GRID2: variants seen among roughly 807,000 people sequenced by gnomAD.
GRID2 encodes glutamate ionotropic receptor delta type subunit 2.
In GRID2, 33 loss-of-function variants were observed where a neutral mutation model predicts 114.8. The observed-to-expected ratio is 0.29, with a 90% CI of 0.22 to 0.38. The LOEUF (loss-of-function observed/expected upper bound fraction) is 0.38. Among genes scored for constraint, GRID2 ranks in the 10% least tolerant of loss-of-function variants. The pLI, the probability that GRID2 is intolerant of heterozygous loss-of-function variation, is 1.00. For synonymous variants in GRID2, 505 were observed against 449.9 expected, an observed-to-expected ratio of 1.12 and a Z score of -1.55; for missense variants, 1,184 against 1,257.7, an observed-to-expected ratio of 0.94 and a Z score of 0.89.
intron 2 of GRID2, among the ~76,000 whole-genome samples, chr4:93,064,433 G>A (rs181300123): frequency 3.2e-4 from 49 of 151,860 alleles, no homozygotes; most frequent in African/African-American, 1.1e-3. Flanking sequence ...ATTTATAACA[G>A]CATTTACTAG....
intron 2 of GRID2, among the ~76,000 whole-genome samples, chr4:92,694,647 C>T (rs1255008031): frequency 1.3e-5 from 2 of 152,152 alleles, no homozygotes; most frequent in Non-Finnish European, 2.9e-5. Flanking sequence ...ATTAATCTGA[C>T]TTTTTCTCAT....
chr4:93,513,564 G>A (rs1729402576), intron 12 of GRID2, among the ~76,000 whole-genome samples: 1 of 152,048 alleles, frequency 6.6e-6, no homozygotes, highest in Non-Finnish European at 1.5e-5. Flanking sequence ...TTTTACAAAT[G>A]GTAGAATCCG....
intron 2 of GRID2, among the ~76,000 whole-genome samples, chr4:93,057,113 C>A (rs1227785291): frequency 1.3e-5 from 2 of 150,894 alleles, no homozygotes; most frequent in Non-Finnish European, 3.0e-5. Flanking sequence ...TGCGAAGAGA[C>A]CAAAAGAAAC....
intron 13 of GRID2, among the ~76,000 whole-genome samples, chr4:93,564,014 C>T: frequency 6.6e-6 from 1 of 151,694 alleles, no homozygotes; most frequent in Non-Finnish European, 1.5e-5. Context: ...CTGAGGTCTG[C>T]TATTGACCAA....
At chr4:92,613,996 T>A (rs1729880738) in intron 2 of GRID2, among the ~76,000 whole-genome samples, 1 of 151,508 alleles carries the variant, frequency 6.6e-6, no homozygotes, top group African/African-American at 2.4e-5. Flanking sequence ...TCAGGGTTAT[T>A]ATCATATCCA....
Position 92,578,107 on chromosome 4 carries a change from CTTCTTCTTTTTCTTATTATTA to C in GRID2, c.89-12021_89-12001del, listed in dbSNP as rs1258499967. Among the ~76,000 whole-genome samples the C allele has an allele frequency of 5.1e-4, 56 of 109,214 alleles. 1 individual carries two copies. The highest frequency in any genetic ancestry group is 4.3e-4 in the Non-Finnish European group (24 of 55,294). The allele number at this position is 109,214 out of a possible 152,430, so 71.6% of individuals were successfully genotyped here. ...TCTTCTTCTTCTTCTTCTTCTTCTT[CTTCTTCTTTTTCTTATTATTA>C]TTATTACACTTTAAGTTTTAGGGTA... On this transcript the variant is annotated intron_variant, in intron 1 of 15. Transcript: ENST00000282020.
intron 1 of GRID2, among the ~76,000 whole-genome samples, chr4:92,551,253 C>CGT (rs1726569267): frequency 8.4e-6 from 1 of 119,318 alleles, no homozygotes; most frequent in Non-Finnish European, 1.8e-5. Context: ...TACATCTACA[C>CGT]CTGTGTGTGT....
chr4:93,005,301 T>C (rs1721394660), intron 2 of GRID2, among the ~76,000 whole-genome samples: 1 of 152,086 alleles, frequency 6.6e-6, no homozygotes, highest in South Asian at 2.1e-4. Flanking sequence ...TATCATATAT[T>C]CTCACTAACT....
chr4:93,332,297 T>TGAGAGAGAGA (rs1255976950), intron 8 of GRID2, among the ~76,000 whole-genome samples: 353 of 133,020 alleles, frequency 2.7e-3, no homozygotes, highest in African/African-American at 9.6e-3. Context: ...TGTGTGTGTG[T>TGAGAGAGAGA]GTGAGAGAGA....
intron 2 of GRID2, among the ~76,000 whole-genome samples, chr4:93,005,279 T>C (rs1476772649): frequency 6.6e-6 from 1 of 152,098 alleles, no homozygotes; most frequent in Admixed American, 6.6e-5. Context: ...GAGTTATTCT[T>C]GAATGATAAT....
At chr4:93,418,001 A>G (rs552016863) in intron 9 of GRID2, among the ~76,000 whole-genome samples, 31 of 150,092 alleles carry the variant, frequency 2.1e-4, no homozygotes, top group South Asian at 1.1e-3. Flanking sequence ...TTAGCCATGC[A>G]TATTCATACT....
At chr4:92,800,538 C>T (rs1347720261) in intron 2 of GRID2, among the ~76,000 whole-genome samples, 1 of 151,942 alleles carries the variant, frequency 6.6e-6, no homozygotes, top group African/African-American at 2.4e-5. Flanking sequence ...TAACCACAGT[C>T]ACATATACAT....
chr4:92,832,582 C>T (rs1195085787), intron 2 of GRID2, among the ~76,000 whole-genome samples: 3 of 151,932 alleles, frequency 2.0e-5, no homozygotes, highest in East Asian at 2.0e-4. Context: ...TTAGTAGAGA[C>T]GGGGTTTCAC....
intron 1 of GRID2, among the ~76,000 whole-genome samples, chr4:93,786,064 G>C (rs923030547): frequency 6.6e-6 from 1 of 152,160 alleles, no homozygotes; most frequent in Non-Finnish European, 1.5e-5. Context: ...AAAGAAATCT[G>C]GAAAGAAAAC....
intron 9 of GRID2, among the ~76,000 whole-genome samples, chr4:93,404,410 TA>T (rs1766208647): frequency 1.3e-5 from 2 of 152,114 alleles, no homozygotes; most frequent in Non-Finnish European, 2.9e-5. Flanking sequence ...TGAATAAAGC[TA>T]CTTTTTAAAA....
chr4:92,632,553 C>A (rs960329476), intron 2 of GRID2, among the ~76,000 whole-genome samples: 1 of 151,998 alleles, frequency 6.6e-6, no homozygotes, highest in African/African-American at 2.4e-5. Flanking sequence ...GAATTACTTG[C>A]ACCTGCAGAC....
intron 10 of GRID2, among the ~76,000 whole-genome samples, chr4:93,448,126 A>C (rs1722264402): frequency 6.6e-6 from 1 of 151,970 alleles, no homozygotes; most frequent in Non-Finnish European, 1.5e-5. Context: ...TAAAAATGAA[A>C]GAATGGTATT....
chr4:93,191,065 A>G (rs1579243062), intron 4 of GRID2, among the ~76,000 whole-genome samples: 1 of 152,246 alleles, frequency 6.6e-6, no homozygotes, highest in East Asian at 1.9e-4. Context: ...TAAAAATTTC[A>G]GATAAAGTTG....
chr4:93,701,100 C>T (rs1311554100), intron 14 of GRID2, among the ~76,000 whole-genome samples: 4 of 151,884 alleles, frequency 2.6e-5, no homozygotes, highest in African/African-American at 7.3e-5. Context: ...TTTGTTCAGC[C>T]CATGCATGCT....
Sources: gnomAD v4.1 joint callset for allele counts (sites outside exome capture counted in the v4.1 genomes callset) on GRCh38, gnomAD v4.1.1 for gene constraint, MANE v1.5 for transcripts, NCBI Gene and HGNC (gene_info 2026-07-23, HGNC 2026-07-21) for gene names.